Variants in AMBRA1 observed in about 807,000 individuals in gnomAD.
The protein encoded by AMBRA1 is autophagy and beclin 1 regulator 1.
A neutral mutation model predicts 125.4 loss-of-function variants in AMBRA1; 47 were observed. The ratio of observed to expected loss-of-function variants is 0.37; its 90% confidence interval spans 0.30 to 0.48. AMBRA1 has a LOEUF of 0.48. AMBRA1 is among the 20% of genes least tolerant of loss of function. The pLI, the probability that AMBRA1 is intolerant of heterozygous loss-of-function variation, is 0.99. For synonymous variants in AMBRA1, 626 were observed against 655.5 expected (o/e 0.95, Z 0.69); for missense variants, 1,331 against 1,693.4 (o/e 0.79, Z 3.76).
intron 7 of AMBRA1, among the ~76,000 whole-genome samples, chr11:46,515,343 C>G (rs187045933): frequency 6.6e-6 from 1 of 152,018 alleles, no homozygotes; most frequent in Non-Finnish European, 1.5e-5. Context: ...CGTGGTGGTG[C>G]GTGCCTATAA....
At chr11:46,544,852 C>G (rs893419881) in intron 5 of AMBRA1, among the ~76,000 whole-genome samples, 1 of 152,108 alleles carries the variant, frequency 6.6e-6, no homozygotes, top group Admixed American at 6.5e-5. Flanking sequence ...TGCAGTGGCT[C>G]ATACCTATAA....
chr11:46,535,173 T>A (rs1390255685), intron 7 of AMBRA1, among the ~76,000 whole-genome samples: 1 of 152,240 alleles, frequency 6.6e-6, no homozygotes, highest in East Asian at 1.9e-4. Context: ...GATTCTTTCC[T>A]ATTTGTCCTT....
intron 7 of AMBRA1, among the ~76,000 whole-genome samples, chr11:46,527,477 C>CAAAAAAAAAAAAAAA (rs59904013): frequency 0.012 from 307 of 25,928 alleles, 36 homozygotes; most frequent in Non-Finnish European, 0.014. Flanking sequence ...GAGACTGTCT[C>CAAAAAAAAAAAAAAA]AAAAAAAAAA....
intron 1 of AMBRA1, among the ~76,000 whole-genome samples, chr11:46,561,093 T>C (rs182534809): frequency 2.0e-5 from 3 of 152,222 alleles, no homozygotes; most frequent in East Asian, 1.9e-4. Flanking sequence ...AGCAAGAATA[T>C]TGTTGGGCCA....
chr11:46,547,112 C>T lies in AMBRA1; in HGVS notation c.378+1G>A, dbSNP rs2042847953. The T allele has an allele frequency of 1.3e-6, 2 of 1,597,416 alleles. No individual in the cohort carries two copies. The highest frequency in any genetic ancestry group is 1.4e-5 in the African/African-American group (1 of 73,710). ...AAAGGGTATCTTAAGGAAATACTCA[C>T]GTGTAAATCCCAAATCCTAACCTCC... On this transcript the variant is annotated splice_donor_variant, in intron 4 of 17. Coordinates refer to ENST00000683756, the MANE Select transcript of AMBRA1 (RefSeq NM_001387011.1). LOFTEE classifies it high-confidence loss of function.
At chr11:46,474,068 A>G (rs1949716066) in intron 11 of AMBRA1, among the ~76,000 whole-genome samples, 1 of 152,204 alleles carries the variant, frequency 6.6e-6, no homozygotes, top group Admixed American at 6.5e-5. Context: ...TCCAATGAAT[A>G]CACACAAACT....
At chr11:46,585,681 AAAAAAAAAAAAAAAATAT>A (rs2044350175) in intron 1 of AMBRA1, among the ~76,000 whole-genome samples, 1 of 34,126 alleles carries the variant, frequency 2.9e-5, no homozygotes, top group African/African-American at 1.2e-4. Context: ...AAAAAAAAAA[AAAAAAAAAAAAAAAATAT>A]ATATATATAT....
At chr11:46,447,474 G>T (rs1283236800) in intron 11 of AMBRA1, among the ~76,000 whole-genome samples, 2 of 152,126 alleles carry the variant, frequency 1.3e-5, no homozygotes, top group Non-Finnish European at 2.9e-5. Flanking sequence ...GGAGGAGGTT[G>T]CAATGAGATG....
intron 1 of AMBRA1, among the ~76,000 whole-genome samples, chr11:46,562,803 CTTT>C (rs35415731): frequency 4.2e-5 from 6 of 142,916 alleles, no homozygotes; most frequent in Non-Finnish European, 4.6e-5. Context: ...AACATTGGTT[CTTT>C]TTTTTTTTTT....
At chr11:46,528,331 C>T (rs897847411) in intron 7 of AMBRA1, among the ~76,000 whole-genome samples, 2 of 152,140 alleles carry the variant, frequency 1.3e-5, no homozygotes, top group African/African-American at 2.4e-5. Context: ...CCACCGCACT[C>T]GGCTAAGTTT....
chr11:46,545,184 G>GC (rs1952958133), intron 5 of AMBRA1, among the ~76,000 whole-genome samples: 1 of 134,072 alleles, frequency 7.5e-6, no homozygotes, highest in Non-Finnish European at 1.6e-5. Flanking sequence ...GTGGTGGTGG[G>GC]CATGGTGGCT....
intron 11 of AMBRA1, among the ~76,000 whole-genome samples, chr11:46,489,229 C>T (rs1950380357): frequency 6.6e-6 from 1 of 152,182 alleles, no homozygotes; most frequent in African/African-American, 2.4e-5. Flanking sequence ...CTCCCCACCC[C>T]ACAACAGGCC....
intron 17 of AMBRA1, among the ~76,000 whole-genome samples, chr11:46,407,888 GC>G (rs1373178395): frequency 1.3e-5 from 2 of 152,216 alleles, no homozygotes; most frequent in Non-Finnish European, 2.9e-5. Flanking sequence ...AGTGAGAACA[GC>G]CTGTTTAACA....
At chr11:46,466,803 C>T (rs1949346203) in intron 11 of AMBRA1, among the ~76,000 whole-genome samples, 1 of 152,168 alleles carries the variant, frequency 6.6e-6, no homozygotes, top group African/African-American at 2.4e-5. Flanking sequence ...AGCCCCATGA[C>T]CCACCCTCCT....
At chr11:46,550,551 C>A (rs1458150505) in intron 1 of AMBRA1, among the ~76,000 whole-genome samples, 1 of 152,162 alleles carries the variant, frequency 6.6e-6, no homozygotes, top group Non-Finnish European at 1.5e-5. Flanking sequence ...ATGATTCTCT[C>A]TTGTACTTTT....
chr11:46,515,428 G>A (rs531805185), intron 7 of AMBRA1, among the ~76,000 whole-genome samples: 1 of 152,182 alleles, frequency 6.6e-6, no homozygotes, highest in South Asian at 2.1e-4. Context: ...AGCTGAGATC[G>A]CACTACTGCA....
chr11:46,568,397 G>A (rs2043617936), intron 1 of AMBRA1, among the ~76,000 whole-genome samples: 1 of 152,084 alleles, frequency 6.6e-6, no homozygotes, highest in Non-Finnish European at 1.5e-5. Flanking sequence ...GGCAGAGGTT[G>A]CAGTGAGCTG....
intron 11 of AMBRA1, among the ~76,000 whole-genome samples, chr11:46,477,508 A>AG (rs1949865739): frequency 6.6e-6 from 1 of 151,764 alleles, no homozygotes; most frequent in East Asian, 1.9e-4. Context: ...GGAAAAAAAA[A>AG]AAAAAAAACT....
intron 11 of AMBRA1, among the ~76,000 whole-genome samples, chr11:46,471,055 T>A (rs1452381042): frequency 6.6e-6 from 1 of 152,212 alleles, no homozygotes; most frequent in Non-Finnish European, 1.5e-5. Context: ...AAGAATTTAC[T>A]GAATCCCTAT....
Sources: gnomAD v4.1 joint callset for allele counts (sites outside exome capture counted in the v4.1 genomes callset) on GRCh38, gnomAD v4.1.1 for gene constraint, MANE v1.5 for transcripts, NCBI Gene and HGNC (gene_info 2026-07-23, HGNC 2026-07-21) for gene names.